PLCB1: variants seen among roughly 807,000 people sequenced by gnomAD.
PLCB1 encodes the protein phospholipase C beta 1.
In PLCB1, 46 loss-of-function variants were observed where a neutral mutation model predicts 161.8. That is an observed-to-expected ratio of 0.28 (90% CI 0.22 to 0.36). The LOEUF is 0.36. Among genes scored for constraint, PLCB1 ranks in the 10% least tolerant of loss-of-function variants. The pLI is 1.00. For missense variants in PLCB1, 1,016 were observed against 1,472.5 expected, an observed-to-expected ratio of 0.69 and a Z score of 5.07; for synonymous variants, 517 against 503.7, an observed-to-expected ratio of 1.03 and a Z score of -0.35.
At chr20:8,319,234 A>C (rs1461876242) in intron 2 of PLCB1, among the ~76,000 whole-genome samples, 2 of 152,146 alleles carry the variant, frequency 1.3e-5, no homozygotes. Context: ...TCCCAACCTC[A>C]GTGGCTTACG....
intron 2 of PLCB1, among the ~76,000 whole-genome samples, chr20:8,336,152 C>A (rs1373164897): frequency 3.9e-5 from 6 of 152,090 alleles, no homozygotes; most frequent in South Asian, 2.1e-4. Flanking sequence ...AGAATGAAGA[C>A]TAAAGGGTAA....
intron 3 of PLCB1, among the ~76,000 whole-genome samples, chr20:8,618,299 C>CT (rs2123189640): frequency 6.6e-6 from 1 of 152,210 alleles, no homozygotes; most frequent in Non-Finnish European, 1.5e-5. Flanking sequence ...ATATTTACTG[C>CT]TTTTTTGTAA....
At chr20:8,357,579 G>A (rs563046310) in intron 2 of PLCB1, among the ~76,000 whole-genome samples, 11 of 152,170 alleles carry the variant, frequency 7.2e-5, no homozygotes, top group South Asian at 4.1e-4. Flanking sequence ...ACTCTGGGGG[G>A]GCCGAGCGAG....
chr20:8,651,225 C>T (rs1330655963), intron 7 of PLCB1, among the ~76,000 whole-genome samples: 1 of 152,118 alleles, frequency 6.6e-6, no homozygotes, highest in Non-Finnish European at 1.5e-5. Context: ...GTTCAAGTTG[C>T]ACTGAATAAG....
intron 2 of PLCB1, among the ~76,000 whole-genome samples, chr20:8,168,641 T>G (rs1011983458): frequency 2.6e-5 from 4 of 152,168 alleles, no homozygotes; most frequent in African/African-American, 9.7e-5. Flanking sequence ...TTGGGAGCAG[T>G]TGCAACAAGA....
chr20:8,648,585 G>A (rs1989229290), intron 6 of PLCB1, among the ~76,000 whole-genome samples: 1 of 152,112 alleles, frequency 6.6e-6, no homozygotes, highest in Admixed American at 6.5e-5. Context: ...TCCATCTCTA[G>A]GTCATATCCA....
chr20:8,632,350 G>A (rs193089419), intron 4 of PLCB1, among the ~76,000 whole-genome samples: 9 of 152,102 alleles, frequency 5.9e-5, no homozygotes, highest in Admixed American at 2.6e-4. Context: ...ACTTGGATTC[G>A]TTCACTCATT....
intron 23 of PLCB1, among the ~76,000 whole-genome samples, chr20:8,744,656 A>AAAAT (rs1171770252): frequency 6.9e-6 from 1 of 143,976 alleles, no homozygotes; most frequent in South Asian, 2.1e-4. Context: ...AAAATAAAAT[A>AAAAT]AAAAAATAAA....
At chr20:8,155,681 T>C (rs756869106) in intron 2 of PLCB1, among the ~76,000 whole-genome samples, 30 of 152,324 alleles carry the variant, frequency 2.0e-4, no homozygotes, top group Admixed American at 7.2e-4. Context: ...CTTTGGGATA[T>C]GCTTCTCTAG....
chr20:8,279,114 A>G (rs1010327394), intron 2 of PLCB1, among the ~76,000 whole-genome samples: 1 of 152,172 alleles, frequency 6.6e-6, no homozygotes, highest in Non-Finnish European at 1.5e-5. Context: ...CAAAAAGTTA[A>G]ACATAGAATC....
At chr20:8,189,169 T>G (rs2051938596) in intron 2 of PLCB1, among the ~76,000 whole-genome samples, 1 of 151,822 alleles carries the variant, frequency 6.6e-6, no homozygotes, top group African/African-American at 2.4e-5. Flanking sequence ...CAGAAAATTA[T>G]GCTTATTTCA....
At chr20:8,196,217 A>C (rs1218689570) in intron 2 of PLCB1, among the ~76,000 whole-genome samples, 1 of 152,130 alleles carries the variant, frequency 6.6e-6, no homozygotes, top group Non-Finnish European at 1.5e-5. Flanking sequence ...ATTCTTGGCA[A>C]AAATACCACA....
intron 1 of PLCB1, among the ~76,000 whole-genome samples, chr20:8,139,092 T>TTTTG (rs1568566687): frequency 1.5e-5 from 2 of 129,970 alleles, no homozygotes; most frequent in African/African-American, 3.3e-5. Context: ...TTTTTTTTTT[T>TTTTG]TTTTTTTTTT....
chr20:8,237,967 G>A (rs2123197440), intron 2 of PLCB1, among the ~76,000 whole-genome samples: 1 of 152,192 alleles, frequency 6.6e-6, no homozygotes, highest in East Asian at 1.9e-4. Flanking sequence ...GCCTTTGAAA[G>A]ACAGACAGAT....
intron 2 of PLCB1, among the ~76,000 whole-genome samples, chr20:8,184,442 T>A (rs1347818016): frequency 1.3e-5 from 2 of 152,158 alleles, no homozygotes; most frequent in African/African-American, 4.8e-5. Flanking sequence ...TCTCTAATTT[T>A]GTTATGAAAG....
At chr20:8,861,728 C>CA (rs35862889) in intron 31 of PLCB1, among the ~76,000 whole-genome samples, 48,303 of 107,964 alleles carry the variant, frequency 0.45, 11,097 homozygotes, top group African/African-American at 0.62. Flanking sequence ...GACTCTACCT[C>CA]AAAAAAAAAA....
At chr20:8,287,508 A>G (rs1432594454) in intron 2 of PLCB1, among the ~76,000 whole-genome samples, 3 of 152,204 alleles carry the variant, frequency 2.0e-5, no homozygotes, top group African/African-American at 4.8e-5. Flanking sequence ...CTGTGGCTCC[A>G]TGTAGATGAT....
intron 2 of PLCB1, among the ~76,000 whole-genome samples, chr20:8,159,842 C>T (rs970940282): frequency 6.6e-6 from 1 of 151,826 alleles, no homozygotes; most frequent in African/African-American, 2.4e-5. Flanking sequence ...ACAAAATTAG[C>T]CAGGCAGGGT....
rs192459746 is a variant in PLCB1, at chr20:8,712,040, C to T, written c.1250+3288C>T. The stretch of plus-strand genomic sequence containing the variant: ...GAAAAGGACAGGGCACGGTGGCTCA[C>T]GCCTGTAATCCCAGCACTTTGGGAG... On this transcript the variant is annotated intron_variant, in intron 12 of 31. Coordinates refer to ENST00000338037, the MANE Select transcript of PLCB1 (RefSeq NM_015192.4). Among the ~76,000 whole-genome samples, 6 of 152,276 alleles carry T rather than the reference C, an allele frequency of 3.9e-5. No homozygotes were observed. The South Asian group carries it at 6.2e-4, about 16-fold the overall frequency.
Sources: gnomAD v4.1 joint callset for allele counts (sites outside exome capture counted in the v4.1 genomes callset) on GRCh38, gnomAD v4.1.1 for gene constraint, MANE v1.5 for transcripts, NCBI Gene and HGNC (gene_info 2026-07-23, HGNC 2026-07-21) for gene names.